Variants in HPCAL1 observed in about 807,000 individuals in gnomAD.
HPCAL1 encodes the protein hippocalcin like 1, also known as hippocalcin-like protein 1.
Under a neutral mutation model 17.1 loss-of-function variants are expected in HPCAL1, and 8 were observed. That is an observed-to-expected ratio of 0.47 (90% CI 0.27 to 0.84). HPCAL1 has a LOEUF of 0.84. HPCAL1 is among the 40% of genes least tolerant of loss of function. The pLI is 0.13. For missense variants in HPCAL1, 165 were observed against 271.1 expected, an observed-to-expected ratio of 0.61 and a Z score of 2.75; for synonymous variants, 112 against 111.4, an observed-to-expected ratio of 1.01 and a Z score of -0.03.
At chr2:10,315,020 G>A (rs1242657317) in intron 1 of HPCAL1, among the ~76,000 whole-genome samples, 2 of 152,130 alleles carry the variant, frequency 1.3e-5, no homozygotes, top group Non-Finnish European at 2.9e-5. Flanking sequence ...GGCCAGGCGC[G>A]GTGGCTCACG....
chr2:10,368,156 G>A (rs1230118241), intron 1 of HPCAL1, among the ~76,000 whole-genome samples: 1 of 151,602 alleles, frequency 6.6e-6, no homozygotes, highest in African/African-American at 2.4e-5. Context: ...GCATGTGTAG[G>A]TGTGTGTGTG....
At position 10,304,932 on chromosome 2, in the gene HPCAL1, C is replaced by T. The variant is rs1462177038; in HGVS notation, c.-111+1755C>T. ...TGCGCTTCCCAACTGTCAGGGGCTA[C>T]GTGATGGTGTTCCCAGAGAGGCGGG... On this transcript the variant is annotated intron_variant, in intron 1 of 4. Transcript: ENST00000307845. This position sits in a 1 kb window ranked among gnomAD's most constrained non-coding sequence, Gnocchi z 4.1. Among the ~76,000 whole-genome samples, 2 of 152,256 alleles carry T rather than the reference C, an allele frequency of 1.3e-5. No homozygotes were observed. The highest frequency in any genetic ancestry group is 1.9e-4 in the East Asian group (1 of 5,174).
chr2:10,397,912 C>G (rs1669162072), intron 2 of HPCAL1, among the ~76,000 whole-genome samples: 1 of 152,226 alleles, frequency 6.6e-6, no homozygotes, highest in Non-Finnish European at 1.5e-5. Context: ...CCCTTCCAAT[C>G]TCGTGCATAT....
At chr2:10,403,344 C>A (rs9917204) in intron 2 of HPCAL1, among the ~76,000 whole-genome samples, 7,070 of 151,884 alleles carry the variant, frequency 0.047, 211 homozygotes, top group Middle Eastern at 0.12. Flanking sequence ...ACATATTGGA[C>A]CCTGATGAGG....
Position 10,400,067 on chromosome 2 carries a change from G to A in HPCAL1, c.-25+3147G>A, listed in dbSNP as rs561421725. On this transcript the variant is annotated intron_variant, in intron 2 of 4. Transcript: ENST00000307845. ...GTGTCGGTTTTGGATAGAGTGCTTG[G>A]GGAAGGCCTTCCTGAGATGAGACCT... Among the ~76,000 whole-genome samples, 177 of 152,292 alleles carry A rather than the reference G, an allele frequency of 1.2e-3. 1 individual carries two copies. Among genetic ancestry groups the A allele is most frequent in the African/African-American group, 3.9e-3 (161 of 41,572 alleles).
At chr2:10,376,445 C>CT (rs70948886) in intron 1 of HPCAL1, among the ~76,000 whole-genome samples, 27 of 147,748 alleles carry the variant, frequency 1.8e-4, no homozygotes, top group South Asian at 2.1e-4. Flanking sequence ...AAAAATCCCT[C>CT]TTTTTTTTTT....
chr2:10,396,403 G>A (rs1168221172), intron 1 of HPCAL1, among the ~76,000 whole-genome samples: 6 of 152,230 alleles, frequency 3.9e-5, no homozygotes. Context: ...CTGAACCCTC[G>A]TAACAGCCCT....
rs886647117 is a variant in HPCAL1, at chr2:10,320,997, G to A, written c.-111+17820G>A. ...TGGAAGAGCGTGAGTGTATTAGGCCGTTCCACATTGTTATAAAGAAATACC... is the reference window on the plus strand; with the variant it reads ...TGGAAGAGCGTGAGTGTATTAGGCCATTCCACATTGTTATAAAGAAATACC... On this transcript the variant is annotated intron_variant, in intron 1 of 4. Transcript: ENST00000307845. 4.6e-5 allele frequency among the ~76,000 whole-genome samples: 7 copies of A among 152,222 alleles called. No homozygotes were observed. In the South Asian group the frequency reaches 1.0e-3, roughly 23 times the overall value.
rs1222503079 is a variant in HPCAL1 at position 10,379,095 on chromosome 2, A to G, written c.-110-17740A>G. Among the ~76,000 whole-genome samples, 6 of 152,190 alleles carry G rather than the reference A, an allele frequency of 3.9e-5. 1 individual carries two copies. Among genetic ancestry groups the G allele is most frequent in the African/African-American group, 1.4e-4 (6 of 41,522 alleles). Reference sequence around the variant, plus strand: ...GTAATCCCAGCACTTTGTGAGGCCAAGACGGGCAGATCACTTGAGGTCAGG... The same window carrying G: ...GTAATCCCAGCACTTTGTGAGGCCAGGACGGGCAGATCACTTGAGGTCAGG... On this transcript the variant is annotated intron_variant, in intron 1 of 4. Coordinates refer to ENST00000307845, the MANE Select transcript of HPCAL1 (RefSeq NM_002149.4).
intron 2 of HPCAL1, among the ~76,000 whole-genome samples, chr2:10,405,533 G>A (rs961080716): frequency 6.6e-6 from 1 of 152,230 alleles, no homozygotes. Context: ...CCCTGGGGAA[G>A]GGCTGTTGCT....
intron 1 of HPCAL1, among the ~76,000 whole-genome samples, chr2:10,338,143 A>G (rs1356223901): frequency 6.6e-6 from 1 of 152,106 alleles, no homozygotes; most frequent in Admixed American, 6.5e-5. Flanking sequence ...AATTCTAAAG[A>G]GACAGAAAAT....
chr2:10,376,700 G>T (rs527357602), intron 1 of HPCAL1, among the ~76,000 whole-genome samples: 2 of 152,114 alleles, frequency 1.3e-5, no homozygotes, highest in Non-Finnish European at 2.9e-5. Context: ...GCTTCCCAAA[G>T]TGCTGGGATT....
chr2:10,378,524 C>T (rs1243238667), intron 1 of HPCAL1, among the ~76,000 whole-genome samples: 2 of 152,026 alleles, frequency 1.3e-5, no homozygotes, highest in African/African-American at 4.8e-5. Context: ...TTGCAGGTGG[C>T]TTTTTTCTCT....
intron 4 of HPCAL1, chr2:10,424,905 G>C (rs1671305340): frequency 3.3e-6 from 1 of 307,374 alleles, no homozygotes; most frequent in Non-Finnish European, 6.6e-6. Flanking sequence ...AGGCTGGGCT[G>C]ATGGGTTTCT....
At position 10,342,407 on chromosome 2, in the gene HPCAL1, G is replaced by A. The variant is rs1007841657; in HGVS notation, c.-111+39230G>A. On this transcript the variant is annotated intron_variant, in intron 1 of 4. Coordinates refer to ENST00000307845, the MANE Select transcript of HPCAL1 (RefSeq NM_002149.4). This position sits in a 1 kb window ranked among gnomAD's most constrained non-coding sequence, Gnocchi z 4.1. ...CGAGGCCAGTCAGTCTGGGTCCTGG[G>A]ATATAGCCACATGTGCAGTCCGTGC... Among the ~76,000 whole-genome samples, 5 of 151,592 alleles carry A rather than the reference G, an allele frequency of 3.3e-5. No individual in the cohort carries two copies. The highest frequency in any genetic ancestry group is 3.3e-4 in the Admixed American group (5 of 15,218).
intron 1 of HPCAL1, among the ~76,000 whole-genome samples, chr2:10,347,190 T>C (rs1357724457): frequency 6.6e-6 from 1 of 152,064 alleles, no homozygotes; most frequent in East Asian, 1.9e-4. Flanking sequence ...CTGGCATCCG[T>C]GACCCATACG....
chr2:10,415,763 G>T (rs981763805), intron 2 of HPCAL1, among the ~76,000 whole-genome samples: 1 of 152,190 alleles, frequency 6.6e-6, no homozygotes, highest in Non-Finnish European at 1.5e-5. Context: ...AAGGTCCCCC[G>T]AGCAGGGGTG....
At chr2:10,314,164 T>C (rs1663156725) in intron 1 of HPCAL1, among the ~76,000 whole-genome samples, 2 of 151,890 alleles carry the variant, frequency 1.3e-5, no homozygotes, top group African/African-American at 4.8e-5. Flanking sequence ...AATCCTCTTA[T>C]AATATGCAGG....
intron 1 of HPCAL1, among the ~76,000 whole-genome samples, chr2:10,380,137 CT>C (rs1667849421): frequency 6.6e-6 from 1 of 152,228 alleles, no homozygotes; most frequent in African/African-American, 2.4e-5. Context: ...TGTTGGGCGG[CT>C]TTTCCCTTGG....
Sources: gnomAD v4.1 joint callset for allele counts (sites outside exome capture counted in the v4.1 genomes callset) on GRCh38, gnomAD v4.1.1 for gene constraint, Gnocchi (gnomAD v3.1) non-coding constraint, MANE v1.5 for transcripts, NCBI Gene and HGNC (gene_info 2026-07-23, HGNC 2026-07-21) for gene names.